The following CDC45 variants were observed in gnomAD, a reference collection of about 807,000 sequenced individuals.
The protein encoded by CDC45 is cell division cycle 45, also known as cell division control protein 45 homolog.
Under a neutral mutation model 77.8 loss-of-function variants are expected in CDC45, and 54 were observed. That is an observed-to-expected ratio of 0.69 (90% confidence interval 0.56 to 0.87). The LOEUF is 0.87. CDC45 is among the 40% of genes least tolerant of loss of function. The pLI, the probability that CDC45 is intolerant of heterozygous loss-of-function variation, is 0.00. For missense variants in CDC45, 649 were observed against 721.6 expected (o/e 0.90, Z 1.15); for synonymous variants, 260 against 272.1 (o/e 0.96, Z 0.44).
chr22:19,506,013 A>G (rs1007854904), intron 10 of CDC45, among the ~76,000 whole-genome samples: 11 of 152,124 alleles, frequency 7.2e-5, no homozygotes, highest in African/African-American at 2.7e-4. Flanking sequence ...GAGGCTGTGG[A>G]GTGACCAGAG....
At chr22:19,512,245 C>G (rs1484608673) in intron 13 of CDC45, among the ~76,000 whole-genome samples, 1 of 152,218 alleles carries the variant, frequency 6.6e-6, no homozygotes, top group Non-Finnish European at 1.5e-5. Context: ...GCTCCTTAAA[C>G]TTTCCCTTGG....
chr22:19,490,372 TATTTG>T (rs2090136422), intron 5 of CDC45, among the ~76,000 whole-genome samples: 1 of 151,882 alleles, frequency 6.6e-6, no homozygotes, highest in East Asian at 1.9e-4. Flanking sequence ...TGTTCTTTGT[TATTTG>T]TATTTTTATT....
chr22:19,498,018 A>C (rs1021529242), intron 8 of CDC45, among the ~76,000 whole-genome samples: 1 of 152,088 alleles, frequency 6.6e-6, no homozygotes, highest in Non-Finnish European at 1.5e-5. Context: ...AAATAGAAAA[A>C]AAAAAATTAG....
At chr22:19,513,307 T>TAGA (rs1254294135) in intron 13 of CDC45, among the ~76,000 whole-genome samples, 1 of 152,256 alleles carries the variant, frequency 6.6e-6, no homozygotes, top group Non-Finnish European at 1.5e-5. Context: ...TAAATTGTCT[T>TAGA]ATCTTTGGTT....
intron 5 of CDC45, among the ~76,000 whole-genome samples, chr22:19,491,931 G>A (rs1219524254): frequency 6.6e-6 from 1 of 151,954 alleles, no homozygotes; most frequent in Non-Finnish European, 1.5e-5. Flanking sequence ...AGCCTCCTGA[G>A]TAGTTGGGAT....
chr22:19,507,742 G>A (rs750503309), intron 11 of CDC45, 24 bp from the exon 12 acceptor site: 1 of 1,556,646 alleles, frequency 6.4e-7, no homozygotes, highest in Non-Finnish European at 8.7e-7. Flanking sequence ...CCTCACTCAT[G>A]TGGCTTGGGC....
At chr22:19,480,054 G>C in intron 1 of CDC45, 35 bp downstream of exon 1, 1 of 1,613,254 alleles carries the variant, frequency 6.2e-7, no homozygotes, top group Non-Finnish European at 8.5e-7. Flanking sequence ...CCGAGGCCTT[G>C]CCGGTGGGGA....
chr22:19,484,927 T>C (rs1361158162), intron 5 of CDC45, among the ~76,000 whole-genome samples: 2 of 126,610 alleles, frequency 1.6e-5, no homozygotes, highest in African/African-American at 2.5e-5. Flanking sequence ...GGAAGACTTT[T>C]TGTTTTTTGT....
intron 9 of CDC45, among the ~76,000 whole-genome samples, chr22:19,501,298 GC>G (rs1932894848): frequency 6.6e-6 from 1 of 152,216 alleles, no homozygotes; most frequent in Non-Finnish European, 1.5e-5. Context: ...CTAGAGACAA[GC>G]CCAAGTGGCC....
At chr22:19,510,340 G>T (rs1019580455) in intron 13 of CDC45, among the ~76,000 whole-genome samples, 2 of 152,096 alleles carry the variant, frequency 1.3e-5, no homozygotes, top group South Asian at 4.1e-4. Context: ...GAGCATTTTT[G>T]TTGCCCCAGA....
chr22:19,494,032 G>A (rs1363248197), intron 5 of CDC45, among the ~76,000 whole-genome samples: 2 of 152,198 alleles, frequency 1.3e-5, no homozygotes, highest in Non-Finnish European at 2.9e-5. Context: ...AGTGCTGTGG[G>A]TGACAGCAGC....
chr22:19,482,900 G>A, intron 4 of CDC45, 73 bp downstream of exon 4: 1 of 1,406,378 alleles, frequency 7.1e-7, no homozygotes, highest in Non-Finnish European at 1.0e-6. Context: ...TGGTGTTCTT[G>A]GTAAGGTGTG....
intron 9 of CDC45, among the ~76,000 whole-genome samples, chr22:19,503,181 G>C (rs2072600368): frequency 6.6e-6 from 1 of 151,954 alleles, no homozygotes; most frequent in South Asian, 2.1e-4. Flanking sequence ...AAAGAAAGCA[G>C]GCAGAAACTT....
chr22:19,519,583 C>G (rs1254794492), intron 18 of CDC45, among the ~76,000 whole-genome samples: 1 of 152,264 alleles, frequency 6.6e-6, no homozygotes, highest in Non-Finnish European at 1.5e-5. Flanking sequence ...TCCAGCCCTG[C>G]ATCTCCCAGA....
chr22:19,505,641 C>T (rs936047652), intron 10 of CDC45, among the ~76,000 whole-genome samples, 160 bp downstream of exon 10: 1 of 152,198 alleles, frequency 6.6e-6, no homozygotes, highest in Admixed American at 6.5e-5. Flanking sequence ...TACCCCAGCT[C>T]ATCTGTGTGG....
chr22:19,495,581 G>A (rs1439223307), intron 6 of CDC45, among the ~76,000 whole-genome samples: 2 of 152,266 alleles, frequency 1.3e-5, no homozygotes, highest in Non-Finnish European at 2.9e-5. Context: ...ACTTTGGGAA[G>A]CCAAGGTGGA....
Position 19,508,687 on chromosome 22 carries a change from T to C in CDC45, c.1213T>C (p.Ser405Pro). Residue 405 changes from serine to proline, a missense_variant, in exon 13 of 19, where the codon TCC becomes CCC. Ser to Pro is a moderately conservative substitution (Grantham distance 74). Transcript: ENST00000263201. ...DHFIQALDSL[S>P]RSNLDKLYHG... is the part of the protein sequence containing the mutation. Reference sequence around the variant, plus strand: ...CTTCATCCAGGCTCTGGACAGCCTCTCCAGGTAGCAGGAGGGCTGTGGGTT... The same window carrying C: ...CTTCATCCAGGCTCTGGACAGCCTCCCCAGGTAGCAGGAGGGCTGTGGGTT... 1 of 1,613,814 alleles carries C rather than the reference T, an allele frequency of 6.2e-7. No individual in the cohort carries two copies.
At chr22:19,497,905 A>T (rs2146378909) in intron 8 of CDC45, among the ~76,000 whole-genome samples, 1 of 152,234 alleles carries the variant, frequency 6.6e-6, no homozygotes, top group Middle Eastern at 3.4e-3. Context: ...TCAAAAAAAA[A>T]AATTGTCTGG....
In CDC45 at chr22:19,514,937, C is replaced by T. The variant is rs753427771; in HGVS notation, c.1357-28C>T. 1.4e-5 allele frequency: 23 copies of T among 1,614,138 alleles called. 1 individual carries two copies. Among genetic ancestry groups the T allele is most frequent in the South Asian group, 6.6e-5 (6 of 91,090 alleles). On this transcript the variant is annotated intron_variant, in intron 14 of 18. Coordinates refer to ENST00000263201, the MANE Select transcript of CDC45 (RefSeq NM_003504.5). ...CGCCTGGTCACAGCACCAGTGGCTT[C>T]GTCTGACCATCTGTCTCGCCTCCGC...
Sources: gnomAD v4.1 joint callset for allele counts (sites outside exome capture counted in the v4.1 genomes callset) on GRCh38, gnomAD v4.1.1 for gene constraint, MANE v1.5 for transcripts, NCBI Gene and HGNC (gene_info 2026-07-23, HGNC 2026-07-21) for gene names.